The following RGS6 variants were observed in gnomAD, a reference collection of about 807,000 sequenced individuals.
RGS6 encodes the protein regulator of G-protein signaling 6.
RGS6 carries 30 observed loss-of-function variants against 78.5 expected under a neutral mutation model. The observed-to-expected ratio is 0.38, with a 90% CI of 0.29 to 0.52. The LOEUF (loss-of-function observed/expected upper bound fraction) is 0.52, where lower values mean the gene tolerates loss of function less well. Among genes scored for constraint, RGS6 ranks in the 20% least tolerant of loss-of-function variants. The probability of loss-of-function intolerance (pLI) is 0.85; values close to 1 mark genes in which losing one functional copy is unlikely to be tolerated. For missense variants in RGS6, 495 were observed against 609.7 expected, an observed-to-expected ratio of 0.81 and a Z score of 1.98; for synonymous variants, 206 against 206.0, an observed-to-expected ratio of 1.00 and a Z score of 0.00.
chr14:72,422,990 G>A (rs1320839582), intron 3 of RGS6, among the ~76,000 whole-genome samples: 1 of 152,218 alleles, frequency 6.6e-6, no homozygotes. Flanking sequence ...AGAACTGGGA[G>A]AGAATAAATT....
chr14:72,598,837 C>A, the RGS6 span, among the ~76,000 whole-genome samples: 1 of 152,238 alleles, frequency 6.6e-6, no homozygotes, highest in African/African-American at 2.4e-5. Flanking sequence ...TCCTTCTCCC[C>A]TTCTAGGACT....
intron 3 of RGS6, among the ~76,000 whole-genome samples, chr14:72,430,106 G>A (rs2094567661): frequency 6.6e-6 from 1 of 152,130 alleles, no homozygotes; most frequent in Non-Finnish European, 1.5e-5. Flanking sequence ...GTATGAAAAT[G>A]GACTAATACA....
At chr14:71,894,869 G>C in the RGS6 span, among the ~76,000 whole-genome samples, 1 of 151,486 alleles carries the variant, frequency 6.6e-6, no homozygotes, top group Admixed American at 6.6e-5. Context: ...TTGTTGCCCA[G>C]GCTGGAGTGC....
the RGS6 span, among the ~76,000 whole-genome samples, chr14:72,629,907 G>A: frequency 0.01 from 1,546 of 152,230 alleles, 29 homozygotes; most frequent in African/African-American, 0.035. Context: ...TCACCACCCA[G>A]TTATTCAGAT....
intron 12 of RGS6, among the ~76,000 whole-genome samples, chr14:72,493,470 T>G (rs912121592): frequency 5.4e-5 from 8 of 149,502 alleles, no homozygotes; most frequent in African/African-American, 1.7e-4. Context: ...GGAGGGAAAA[T>G]AAACAATTCA....
At chr14:71,929,519 TTAAGA>T (rs1449134079), upstream of RGS6, among the ~76,000 whole-genome samples, 1 of 152,218 alleles carries the variant, frequency 6.6e-6, no homozygotes, top group African/African-American at 2.4e-5. Context: ...TACCAGTCGA[TTAAGA>T]TGATACCTCC....
Position 72,211,310 on chromosome 14 carries a change from A to G in RGS6, c.85-140785A>G, listed in dbSNP as rs556331157. On this transcript the variant is annotated intron_variant, in intron 2 of 17. Coordinates refer to ENST00000553525, the MANE Select transcript of RGS6 (RefSeq NM_001204424.2). ...AGCTAAAATATTAAGTATAAAGAGG[A>G]CTGAAAAATATGTCTTGAATTTAGA... Among the ~76,000 whole-genome samples the G allele has an allele frequency of 2.0e-5, 3 of 152,294 alleles. No homozygotes were observed. In the South Asian group the frequency reaches 6.2e-4, roughly 32 times the overall value.
At position 72,073,304 on chromosome 14, in the gene RGS6, A is replaced by G. The variant is rs180918714; in HGVS notation, c.84+108429A>G. Among the ~76,000 whole-genome samples the G allele has an allele frequency of 3.2e-3, 490 of 152,376 alleles. 1 individual carries two copies. The highest frequency in any genetic ancestry group is 0.011 in the African/African-American group (470 of 41,582). On this transcript the variant is annotated intron_variant, in intron 2 of 17. Coordinates refer to ENST00000553525, the MANE Select transcript of RGS6 (RefSeq NM_001204424.2). ...GATGTATAACAAAACCGGTATTACC[A>G]TAGATTAATTGACATAAATGAGAGT...
intron 2 of RGS6, among the ~76,000 whole-genome samples, chr14:72,330,944 C>G (rs556951791): frequency 1.3e-5 from 2 of 152,158 alleles, no homozygotes; most frequent in Admixed American, 1.3e-4. Flanking sequence ...TGCAGGGTAC[C>G]TTTGAGGGGC....
rs530047225 is a variant in RGS6 at position 72,274,134 on chromosome 14, G to C, written c.85-77961G>C. On this transcript the variant is annotated intron_variant, in intron 2 of 17. Transcript: ENST00000553525. ...TTCTTCTCATGCCACACCCAGTAAG[G>C]GGTACATTAGATACTCTATTTCCTC... is the stretch of plus-strand genomic sequence containing the variant. Among the ~76,000 whole-genome samples the C allele has an allele frequency of 1.5e-4, 23 of 152,282 alleles. No homozygotes were observed. In the South Asian group the frequency reaches 2.9e-3, roughly 19 times the overall value.
At chr14:72,285,396 A>T (rs1044674676) in intron 2 of RGS6, among the ~76,000 whole-genome samples, 1 of 152,018 alleles carries the variant, frequency 6.6e-6, no homozygotes, top group African/African-American at 2.4e-5. Flanking sequence ...GTCTCATGGG[A>T]TCTAATGGTT....
At chr14:72,072,551 C>G (rs2094445506) in intron 2 of RGS6, among the ~76,000 whole-genome samples, 1 of 151,780 alleles carries the variant, frequency 6.6e-6, no homozygotes, top group Non-Finnish European at 1.5e-5. Flanking sequence ...TCAGGTGATC[C>G]ACCTGCCCCG....
At chr14:72,373,465 C>T (rs1242008238) in intron 3 of RGS6, among the ~76,000 whole-genome samples, 1 of 152,136 alleles carries the variant, frequency 6.6e-6, no homozygotes, top group Non-Finnish European at 1.5e-5. Context: ...AGTGAGAATT[C>T]AGGAAAGTAG....
chr14:72,283,468 A>C (rs759823786), intron 2 of RGS6, among the ~76,000 whole-genome samples: 1 of 152,170 alleles, frequency 6.6e-6, no homozygotes, highest in Non-Finnish European at 1.5e-5. Context: ...GTTTCCCCAT[A>C]CTGTTCTCAT....
intron 2 of RGS6, among the ~76,000 whole-genome samples, chr14:72,060,920 T>C (rs758826466): frequency 1.3e-5 from 2 of 152,192 alleles, no homozygotes; most frequent in Non-Finnish European, 2.9e-5. Flanking sequence ...TGTTCAAACA[T>C]GTGACTAGGT....
At chr14:72,253,009 G>A (rs1047519691) in intron 2 of RGS6, among the ~76,000 whole-genome samples, 2 of 152,208 alleles carry the variant, frequency 1.3e-5, no homozygotes, top group African/African-American at 4.8e-5. Flanking sequence ...AGGAAGCGTG[G>A]TAAGCACGGT....
chr14:72,221,416 T>TA (rs561262808), intron 2 of RGS6, among the ~76,000 whole-genome samples: 31 of 152,132 alleles, frequency 2.0e-4, no homozygotes, highest in African/African-American at 7.2e-4. Flanking sequence ...TGATTATTCC[T>TA]AAAAAAAAGT....
chr14:72,528,588 A>T (rs76250457), intron 15 of RGS6, among the ~76,000 whole-genome samples: 129 of 152,308 alleles, frequency 8.5e-4, no homozygotes, highest in Non-Finnish European at 1.6e-3. Context: ...CTGCTTGTTC[A>T]TAGTCAGCTT....
At chr14:72,330,037 C>T (rs550911421) in intron 2 of RGS6, among the ~76,000 whole-genome samples, 1 of 152,224 alleles carries the variant, frequency 6.6e-6, no homozygotes, top group African/African-American at 2.4e-5. Flanking sequence ...GTGTTCTTCA[C>T]AGCACCCAAC....
Sources: allele counts gnomAD v4.1 joint callset (sites outside exome capture counted in the v4.1 genomes callset), GRCh38; gene constraint gnomAD v4.1.1; transcripts MANE v1.5; gene names NCBI Gene and HGNC (gene_info 2026-07-23, HGNC 2026-07-21).